Variants in DEK observed in about 807,000 individuals in gnomAD.
DEK encodes the protein DEK proto-oncogene.
DEK carries 28 observed loss-of-function variants against 46.8 expected under a neutral mutation model. The ratio of observed to expected loss-of-function variants is 0.60; its 90% CI spans 0.44 to 0.82. The LOEUF is 0.82. DEK is among the 40% of genes least tolerant of loss of function. The probability of loss-of-function intolerance (pLI) is 0.00; values close to 1 mark genes in which losing one functional copy is unlikely to be tolerated. For missense variants in DEK, 416 were observed against 430.6 expected, an observed-to-expected ratio of 0.97 and a Z score of 0.30; for synonymous variants, 160 against 144.5, an observed-to-expected ratio of 1.11 and a Z score of -0.77.
rs1791272068 is a variant in DEK, at chr6:18,249,578, T to C, written c.762+73A>G. On this transcript the variant is annotated intron_variant, in intron 7 of 10. Transcript: ENST00000652689. ...AACCAATAAGGAAGTGTTTTCTGGC[T>C]GTACCTTATAGCAGAAATATTTAAC... The C allele has an allele frequency of 4.2e-6, 6 of 1,431,752 alleles. No individual in the cohort carries two copies. The South Asian group carries it at 9.9e-5, about 24-fold the overall frequency. The allele number at this position is 1,431,752 out of a possible 1,614,324, so 88.7% of individuals were successfully genotyped here.
intron 8 of DEK, 198 bp downstream of exon 8, chr6:18,237,183 C>A (rs751955453): frequency 8.9e-5 from 43 of 481,946 alleles, no homozygotes; most frequent in African/African-American, 4.5e-4. Flanking sequence ...CTGTCTCTCT[C>A]TCTATATATA....
At position 18,256,414 on chromosome 6, in the gene DEK, A is replaced by G; in HGVS notation, c.399T>C (p.Phe133=). Residue 133 remains phenylalanine (F), a synonymous_variant, in exon 5 of 11, where the codon TTT becomes TTC. Coordinates refer to ENST00000652689, the MANE Select transcript of DEK (RefSeq NM_003472.4). ...ATTGGACACTTCCTTTTTCAAATGG[A>G]AAGCCACTGAACTGACCCACATTCT... is the stretch of plus-strand genomic sequence containing the variant. ...LKKNVGQFSG[F]PFEKGSVQYK... The G allele has an allele frequency of 6.2e-7, 1 of 1,613,496 alleles. No homozygotes were observed.
At chr6:18,244,787 C>T (rs1476925895) in intron 7 of DEK, among the ~76,000 whole-genome samples, 1 of 152,120 alleles carries the variant, frequency 6.6e-6, no homozygotes, top group African/African-American at 2.4e-5. Flanking sequence ...TGCCTTCCAA[C>T]GAAAGGTTTA....
At chr6:18,256,535 A>T (rs1791605047) in intron 4 of DEK, 80 bp from the exon 5 acceptor site, 1 of 1,204,544 alleles carries the variant, frequency 8.3e-7, no homozygotes, top group African/African-American at 1.5e-5. Flanking sequence ...ATTCAAAGTC[A>T]ACATCTTTAT....
At position 18,249,732 on chromosome 6, in the gene DEK, T is replaced by C. The variant is rs1791282850; in HGVS notation, c.681A>G (p.Ser227=). 3 of 1,614,002 alleles carry C rather than the reference T, an allele frequency of 1.9e-6. No individual in the cohort carries two copies. In the South Asian group the frequency reaches 3.3e-5, roughly 18 times the overall value. The change falls in exon 7 of 11, where the codon TCA becomes TCG. Residue 227 remains serine, a synonymous_variant. Coordinates refer to ENST00000652689, the MANE Select transcript of DEK (RefSeq NM_003472.4). ...CATCTTCATCACTACTAGATTCATC[T>C]GACAGAATTTCAGGACATTTGGTTC... ...AKRTKCPEIL[S]DESSSDEDEK...
intron 9 of DEK, among the ~76,000 whole-genome samples, chr6:18,235,377 T>C (rs1284266665): frequency 1.4e-4 from 22 of 152,208 alleles, no homozygotes; most frequent in Non-Finnish European, 2.9e-4. Flanking sequence ...CTTTCAATTA[T>C]TGTTTTGGTT....
chr6:18,229,943 G>T (rs1007911293), intron 9 of DEK, among the ~76,000 whole-genome samples: 7 of 152,184 alleles, frequency 4.6e-5, no homozygotes, highest in Admixed American at 3.9e-4. Flanking sequence ...CACCAAAGCT[G>T]AAATGAAGGA....
intron 2 of DEK, among the ~76,000 whole-genome samples, chr6:18,259,268 G>A (rs1024286645): frequency 1.7e-4 from 26 of 151,474 alleles, no homozygotes; most frequent in African/African-American, 6.3e-4. Flanking sequence ...GGTGGCTGGT[G>A]CCTGTAGTCC....
chr6:18,242,617 C>G (rs1305063591), intron 7 of DEK, among the ~76,000 whole-genome samples: 2 of 152,138 alleles, frequency 1.3e-5, no homozygotes, highest in African/African-American at 2.4e-5. Context: ...CTCCCAGAAC[C>G]TTGGCCCATT....
chr6:18,239,363 A>ATTTT (rs1254747677), intron 7 of DEK, among the ~76,000 whole-genome samples: 900 of 68,224 alleles, frequency 0.013, 4 homozygotes, highest in Non-Finnish European at 0.017. Context: ...TTTTTTTTTA[A>ATTTT]AAAAAAGAGA....
At chr6:18,246,729 A>T (rs779459369) in intron 7 of DEK, among the ~76,000 whole-genome samples, 1 of 152,226 alleles carries the variant, frequency 6.6e-6, no homozygotes, top group Non-Finnish European at 1.5e-5. Context: ...CTCGGCTTGC[A>T]TAAGATTTCT....
chr6:18,253,349 A>G (rs1791473899), intron 6 of DEK, among the ~76,000 whole-genome samples: 1 of 152,228 alleles, frequency 6.6e-6, no homozygotes, highest in Non-Finnish European at 1.5e-5. Flanking sequence ...AGTGGGAACT[A>G]GAATTCTGGA....
At chr6:18,261,953 G>T (rs973779003) in intron 2 of DEK, among the ~76,000 whole-genome samples, 2 of 152,196 alleles carry the variant, frequency 1.3e-5, no homozygotes. Flanking sequence ...CAAATTTCGT[G>T]TTGAAAAGTG....
chr6:18,249,867 C>T (rs777589341), intron 6 of DEK, 28 bp from the exon 7 acceptor site: 1 of 1,570,162 alleles, frequency 6.4e-7, no homozygotes, highest in Non-Finnish European at 8.6e-7. Context: ...AAGATAACAC[C>T]AATGAGGTAT....
chr6:18,264,103 A>G (rs1792000804), intron 1 of DEK, 107 bp from the exon 2 acceptor site: 6 of 1,048,188 alleles, frequency 5.7e-6, no homozygotes, highest in Non-Finnish European at 7.9e-6. Flanking sequence ...CCTGCCCTGA[A>G]AGTTGCCTCC....
intron 7 of DEK, among the ~76,000 whole-genome samples, chr6:18,247,330 T>A (rs1273637055): frequency 6.6e-6 from 1 of 152,168 alleles, no homozygotes; most frequent in African/African-American, 2.4e-5. Context: ...TTTTATAAAA[T>A]CTGTCAAGTA....
chr6:18,237,324 A>T, intron 8 of DEK, 57 bp downstream of exon 8: 1 of 1,544,106 alleles, frequency 6.5e-7, no homozygotes, highest in Non-Finnish European at 8.7e-7. Flanking sequence ...ACTATGTACA[A>T]CATATTAATA....
At chr6:18,251,267 A>T (rs1791364184) in intron 6 of DEK, among the ~76,000 whole-genome samples, 1 of 152,206 alleles carries the variant, frequency 6.6e-6, no homozygotes, top group South Asian at 2.1e-4. Flanking sequence ...ATTCCATAAC[A>T]TAACCTTAAG....
intron 1 of DEK, 143 bp downstream of exon 1, chr6:18,264,242 C>G: frequency 2.5e-5 from 7 of 279,454 alleles, no homozygotes; most frequent in East Asian, 6.4e-5. Flanking sequence ...CCCGCCCGGC[C>G]TGCGCTGTTC....
Sources: gnomAD v4.1 joint callset for allele counts (sites outside exome capture counted in the v4.1 genomes callset) on GRCh38, gnomAD v4.1.1 for gene constraint, MANE v1.5 for transcripts, NCBI Gene and HGNC (gene_info 2026-07-23, HGNC 2026-07-21) for gene names.